The following MLF1 variants were observed in gnomAD, a reference collection of about 807,000 sequenced individuals.
MLF1 encodes myeloid leukemia factor 1.
MLF1 carries 37 observed loss-of-function variants against 38.3 expected under a neutral mutation model. That is an observed-to-expected ratio of 0.96 (90% CI 0.74 to 1.27). MLF1 has a LOEUF of 1.27. Among genes scored for constraint, MLF1 ranks in the 50% most tolerant of loss-of-function variants. The probability of loss-of-function intolerance (pLI) is 0.00; values close to 1 mark genes in which losing one functional copy is unlikely to be tolerated. For missense variants in MLF1, 331 were observed against 349.2 expected, an observed-to-expected ratio of 0.95 and a Z score of 0.42; for synonymous variants, 95 against 106.5, an observed-to-expected ratio of 0.89 and a Z score of 0.66.
chr3:158,578,575 T>A (rs1266281520), intron 1 of MLF1, among the ~76,000 whole-genome samples: 2 of 152,024 alleles, frequency 1.3e-5, no homozygotes, highest in African/African-American at 2.4e-5. Flanking sequence ...GGAATCAATC[T>A]AAGAGTTAAG....
intron 1 of MLF1, among the ~76,000 whole-genome samples, chr3:158,577,151 A>G (rs544613707): frequency 6.6e-6 from 1 of 152,234 alleles, no homozygotes; most frequent in African/African-American, 2.4e-5. Flanking sequence ...ACAAATTTGT[A>G]TTTATTTTAT....
At chr3:158,590,877 G>A in intron 1 of MLF1, 2 of 442,650 alleles carry the variant, frequency 4.5e-6, no homozygotes, top group Admixed American at 5.0e-5. Context: ...TGTAAATTAT[G>A]CCTAAACAAG....
chr3:158,579,932 G>C (rs1716070933), intron 1 of MLF1, among the ~76,000 whole-genome samples: 4 of 152,118 alleles, frequency 2.6e-5, no homozygotes, highest in African/African-American at 9.7e-5. Flanking sequence ...CTTTTGAAAT[G>C]CCTGTTTTAA....
At chr3:158,576,237 T>C (rs981777536) in intron 1 of MLF1, among the ~76,000 whole-genome samples, 10 of 152,230 alleles carry the variant, frequency 6.6e-5, no homozygotes, top group African/African-American at 2.2e-4. Flanking sequence ...AGTTATTTCA[T>C]TGAAAATTTA....
Position 158,605,445 on chromosome 3 carries a change from A to C in MLF1, c.*243A>C. On this transcript the variant is annotated 3_prime_UTR_variant, in exon 8 of 8. Transcript: ENST00000466246. ...AATGTAAAACTCTTTAAAACATACT[A>C]ATTTTTTAAAGCTTATATGCTTATT... 3.2e-6 allele frequency: 1 copy of C among 316,046 alleles called. No homozygotes were observed. The highest frequency in any genetic ancestry group is 4.6e-5 in the East Asian group (1 of 21,774). 19.6% of individuals were successfully genotyped at this position (316,046 alleles called of 1,614,324 possible). A position where few individuals can be genotyped will look rare whatever the true frequency, so the allele number is the denominator to read the frequency against.
At chr3:158,584,467 T>C (rs1427801173) in intron 1 of MLF1, among the ~76,000 whole-genome samples, 1 of 152,144 alleles carries the variant, frequency 6.6e-6, no homozygotes, top group Non-Finnish European at 1.5e-5. Flanking sequence ...TGTACAGATG[T>C]AACCCAAAAT....
Position 158,600,097 on chromosome 3 carries a change from T to C in MLF1, c.537T>C (p.Ala179=). ...TTGGTCATCATATCCATGACCGAGCTCATGTCATTAAAAAGTCAAAGAACA... is the reference window on the plus strand; with the variant it reads ...TTGGTCATCATATCCATGACCGAGCCCATGTCATTAAAAAGTCAAAGAACA... ...MAIGHHIHDR[A]HVIKKSKNKK... is the part of the protein sequence containing the mutation. Residue 179 remains alanine (A), a synonymous_variant, in exon 6 of 8, where the codon GCT becomes GCC. Transcript: ENST00000466246. 6.7e-7 allele frequency: 1 copy of C among 1,487,402 alleles called. No individual in the cohort carries two copies. The allele number at this position is 1,487,402 out of a possible 1,614,324, so 92.1% of individuals were successfully genotyped here.
chr3:158,590,916 C>A (rs1576669121), intron 1 of MLF1: 3 of 412,884 alleles, frequency 7.3e-6, no homozygotes, highest in Non-Finnish European at 1.4e-5. Context: ...TCTATACATA[C>A]AAGCACAAAT....
At chr3:158,573,874 G>A (rs1172688582) in intron 1 of MLF1, among the ~76,000 whole-genome samples, 1 of 152,064 alleles carries the variant, frequency 6.6e-6, no homozygotes, top group East Asian at 1.9e-4. Flanking sequence ...GGTTGCTCTC[G>A]GCTCACTGCA....
Position 158,597,014 on chromosome 3 carries a change from TCAAA to T in MLF1, c.324+72_324+75del, listed in dbSNP as rs1718980459. Reference sequence around the variant, plus strand: ...GATATATTCTATTTCATAGTGGCTTTCAAACACTTTTTTAACCATAGTGGTTAAA... The same window carrying T: ...GATATATTCTATTTCATAGTGGCTTTCACTTTTTTAACCATAGTGGTTAAA... On this transcript the variant is annotated intron_variant, in intron 4 of 7. Coordinates refer to ENST00000466246, the MANE Select transcript of MLF1 (RefSeq NM_001369783.1). 6 of 1,015,566 alleles carry T rather than the reference TCAAA, an allele frequency of 5.9e-6. No individual in the cohort carries two copies. In the East Asian group the frequency reaches 1.0e-4, roughly 18 times the overall value. The allele number at this position is 1,015,566 out of a possible 1,614,324, so 62.9% of individuals were successfully genotyped here.
intron 1 of MLF1, among the ~76,000 whole-genome samples, chr3:158,578,532 A>G (rs1715835049): frequency 6.6e-6 from 1 of 151,946 alleles, no homozygotes; most frequent in African/African-American, 2.4e-5. Context: ...ACACACACGT[A>G]CACACTATGT....
At chr3:158,580,941 C>G (rs1716246893) in intron 1 of MLF1, among the ~76,000 whole-genome samples, 1 of 152,026 alleles carries the variant, frequency 6.6e-6, no homozygotes, top group African/African-American at 2.4e-5. Flanking sequence ...GAATGAAACT[C>G]TGTCTCAAAA....
At chr3:158,590,367 T>TA (rs1717940019) in intron 1 of MLF1, among the ~76,000 whole-genome samples, 1 of 152,180 alleles carries the variant, frequency 6.6e-6, no homozygotes, top group African/African-American at 2.4e-5. Context: ...AACTCTCAGT[T>TA]ACAGTTTTCA....
intron 1 of MLF1, among the ~76,000 whole-genome samples, chr3:158,572,091 G>GA (rs2108530142): frequency 8.1e-6 from 1 of 123,476 alleles, no homozygotes; most frequent in Non-Finnish European, 1.7e-5. Flanking sequence ...GTGAGGTGGG[G>GA]GGAGGGTTTG....
In MLF1 at chr3:158,601,708, G is replaced by C. The variant is rs185145265; in HGVS notation, c.614-1099G>C. On this transcript the variant is annotated intron_variant, in intron 6 of 7. Transcript: ENST00000466246. The stretch of plus-strand genomic sequence containing the variant: ...GAAGGCAGAGGTTGCAGTGAGCCAA[G>C]ATCACGCATTGCACTCCAGCCTGGG... Among the ~76,000 whole-genome samples the C allele has an allele frequency of 4.8e-4, 73 of 151,230 alleles. No homozygotes were observed. The South Asian group carries it at 0.012, about 25-fold the overall frequency.
intron 1 of MLF1, among the ~76,000 whole-genome samples, chr3:158,579,356 G>T (rs568836541): frequency 6.6e-6 from 1 of 152,118 alleles, no homozygotes; most frequent in African/African-American, 2.4e-5. Context: ...TCTCCAAGCA[G>T]CTGCCTTTCT....
rs773373270 is a variant in MLF1 at position 158,600,092 on chromosome 3, C to T, written c.532C>T (p.Arg178Ter). ...KMAIGHHIHDRAHVIKKSKNK... is the reference protein window; with the variant it reads ...KMAIGHHIHD ...GGCTATTGGTCATCATATCCATGAC[C>T]GAGCTCATGTCATTAAAAAGTCAAA... The change falls in exon 6 of 8, where the codon CGA becomes TGA. Residue 178 changes from arginine to a stop codon, truncating the protein, a stop_gained. Coordinates refer to ENST00000466246, the MANE Select transcript of MLF1 (RefSeq NM_001369783.1). LOFTEE classifies it high-confidence loss of function. The T allele has an allele frequency of 1.2e-5, 18 of 1,485,156 alleles. No individual in the cohort carries two copies. Among genetic ancestry groups the T allele is most frequent in the Admixed American group, 9.7e-5 (5 of 51,400 alleles). 92.0% of individuals were successfully genotyped at this position (1,485,156 alleles called of 1,614,324 possible). A position where few individuals can be genotyped will look rare whatever the true frequency, so the allele number is the denominator to read the frequency against.
intron 1 of MLF1, among the ~76,000 whole-genome samples, chr3:158,581,780 G>A (rs1475958466): frequency 1.3e-5 from 2 of 152,204 alleles, no homozygotes; most frequent in Non-Finnish European, 2.9e-5. Flanking sequence ...TTTAAACTAT[G>A]ATTAATGTGC....
intron 2 of MLF1, 97 bp downstream of exon 2, chr3:158,592,678 T>A: frequency 9.8e-7 from 1 of 1,016,406 alleles, no homozygotes; most frequent in Non-Finnish European, 1.4e-6. Flanking sequence ...AGGATATGAC[T>A]AATATTCTTG....
Sources: gnomAD v4.1 joint callset for allele counts (sites outside exome capture counted in the v4.1 genomes callset) on GRCh38, gnomAD v4.1.1 for gene constraint, MANE v1.5 for transcripts, NCBI Gene and HGNC (gene_info 2026-07-23, HGNC 2026-07-21) for gene names.